FOXK1: variants seen among roughly 807,000 people sequenced by gnomAD.
The protein encoded by FOXK1 is forkhead box K1, also known as forkhead box protein K1.
A neutral mutation model predicts 51.9 loss-of-function variants in FOXK1; 19 were observed. The ratio of observed to expected loss-of-function variants is 0.37; its 90% CI spans 0.26 to 0.54. FOXK1 has a LOEUF of 0.54. Ranked by LOEUF, FOXK1 falls within the 20% of genes least tolerant of loss-of-function variation. The pLI is 0.87. For missense variants in FOXK1, 870 were observed against 1,032.7 expected (o/e 0.84, Z 2.16); for synonymous variants, 537 against 482.6 (o/e 1.11, Z -1.48).
At chr7:4,688,316 A>T (rs1779846111) in intron 1 of FOXK1, among the ~76,000 whole-genome samples, 1 of 150,932 alleles carries the variant, frequency 6.6e-6, no homozygotes, top group Admixed American at 6.6e-5. Flanking sequence ...AAAAATGAAT[A>T]ATAATTTCTT....
At chr7:4,760,089 C>T (rs1254330832) in intron 7 of FOXK1, 2 of 161,184 alleles carry the variant, frequency 1.2e-5, no homozygotes, top group Non-Finnish European at 2.7e-5. Context: ...ACAGGGCCCT[C>T]GGATGCACAT....
In FOXK1 at chr7:4,761,280, A is replaced by G. The variant is rs199885308; in HGVS notation, c.1913A>G (p.Asn638Ser). The G allele has an allele frequency of 5.3e-5, 86 of 1,612,164 alleles. 1 individual carries two copies. The highest frequency in any genetic ancestry group is 6.5e-5 in the Non-Finnish European group (77 of 1,179,952). ...HAVPTNSLAG[N>S]AYALTSPLQL... ...GTTCCCACGAACAGTTTAGCCGGCA[A>G]CGCTTACGGTGAGGCCCTGGCCCTG... The change falls in exon 8 of 9, where the codon AAC (asparagine) becomes AGC (serine). Residue 638 changes from asparagine (N) to serine (S), a missense_variant. This residue lies in a region of FOXK1 where 457 missense variants were observed against 510.8 expected (regional missense o/e 0.89). Transcript: ENST00000328914. This position sits in a 1 kb window ranked among gnomAD's most constrained non-coding sequence, Gnocchi z 6.2.
chr7:4,723,265 C>T lies in FOXK1; in HGVS notation c.561-17573C>T, dbSNP rs986838195. Among the ~76,000 whole-genome samples, 1 of 151,950 alleles carries T rather than the reference C, an allele frequency of 6.6e-6. No homozygotes were observed. Among genetic ancestry groups the T allele is most frequent in the Non-Finnish European group, 1.5e-5 (1 of 67,990 alleles). Reference sequence around the variant, plus strand: ...TCAGCACCGAGCAAGTGGGCCTGGACCCTGAAGGATGTGGCTGCTGCCCGA... The same window carrying T: ...TCAGCACCGAGCAAGTGGGCCTGGATCCTGAAGGATGTGGCTGCTGCCCGA... On this transcript the variant is annotated intron_variant, in intron 1 of 8. Transcript: ENST00000328914. The surrounding 1 kb of genome is among the most constrained non-coding windows in gnomAD (Gnocchi z 4.7).
Position 4,722,314 on chromosome 7 carries a change from T to C in FOXK1, c.561-18524T>C, listed in dbSNP as rs2115048535. Among the ~76,000 whole-genome samples the C allele has an allele frequency of 6.6e-6, 1 of 152,342 alleles. No homozygotes were observed. Among genetic ancestry groups the C allele is most frequent in the South Asian group, 2.1e-4 (1 of 4,832 alleles). Reference sequence around the variant, plus strand: ...TTCCAAAATCTGTTGTTCTAGAAACTCTCTAAGGTTTTACCCAGATTCCCA... The same window carrying C: ...TTCCAAAATCTGTTGTTCTAGAAACCCTCTAAGGTTTTACCCAGATTCCCA... On this transcript the variant is annotated intron_variant, in intron 1 of 8. Transcript: ENST00000328914. The surrounding 1 kb of genome is among the most constrained non-coding windows in gnomAD (Gnocchi z 5.1).
At chr7:4,689,451 C>T (rs758927504) in intron 1 of FOXK1, among the ~76,000 whole-genome samples, 3 of 152,164 alleles carry the variant, frequency 2.0e-5, no homozygotes, top group South Asian at 2.1e-4. Context: ...ACTACATAAA[C>T]GTTTTAGCCC....
rs1239807342 is a variant in FOXK1 at position 4,734,001 on chromosome 7, C to T, written c.561-6837C>T. Among the ~76,000 whole-genome samples, 2 of 147,276 alleles carry T rather than the reference C, an allele frequency of 1.4e-5. No individual in the cohort carries two copies. Among genetic ancestry groups the T allele is most frequent in the African/African-American group, 2.7e-5 (1 of 36,774 alleles). ...CCACGTGGAGTCTGCCCTCCACGTG[C>T]CGTGGGTGAAGCTTCACCTGGCGCA... On this transcript the variant is annotated intron_variant, in intron 1 of 8. Transcript: ENST00000328914. The surrounding 1 kb of genome is among the most constrained non-coding windows in gnomAD (Gnocchi z 5.2).
In FOXK1 at chr7:4,711,400, G is replaced by T. The variant is rs762875914; in HGVS notation, c.560+28532G>T. ...GTCCGGGGGTGGGTCCCAGCCAGCCGCCAGCTCTCCCTGGAGTGATTCCTG... is the reference window on the plus strand; with the variant it reads ...GTCCGGGGGTGGGTCCCAGCCAGCCTCCAGCTCTCCCTGGAGTGATTCCTG... On this transcript the variant is annotated intron_variant, in intron 1 of 8. Transcript: ENST00000328914. The surrounding 1 kb of genome is among the most constrained non-coding windows in gnomAD (Gnocchi z 6.3). Among the ~76,000 whole-genome samples the T allele has an allele frequency of 2.0e-5, 3 of 152,112 alleles. No individual in the cohort carries two copies. Among genetic ancestry groups the T allele is most frequent in the Non-Finnish European group, 4.4e-5 (3 of 68,000 alleles).
At position 4,709,468 on chromosome 7, in the gene FOXK1, C is replaced by T. The variant is rs1030416649; in HGVS notation, c.560+26600C>T. On this transcript the variant is annotated intron_variant, in intron 1 of 8. Coordinates refer to ENST00000328914, the MANE Select transcript of FOXK1 (RefSeq NM_001037165.2). The surrounding 1 kb of genome is among the most constrained non-coding windows in gnomAD (Gnocchi z 5.6). The stretch of plus-strand genomic sequence containing the variant: ...CTGGACTCGATGTCTCCGAGCAGAT[C>T]GAGGCTGGCCCACCCCTGCTGGCCC... 2.6e-5 allele frequency among the ~76,000 whole-genome samples: 4 copies of T among 152,130 alleles called. No individual in the cohort carries two copies. Among genetic ancestry groups the T allele is most frequent in the African/African-American group, 7.2e-5 (3 of 41,410 alleles).
intron 1 of FOXK1, among the ~76,000 whole-genome samples, chr7:4,686,753 T>C (rs928690331): frequency 4.0e-5 from 6 of 151,840 alleles, no homozygotes; most frequent in African/African-American, 1.2e-4. Context: ...ACCACATGAA[T>C]TTGCAGCTTC....
intron 1 of FOXK1, among the ~76,000 whole-genome samples, chr7:4,718,202 G>A (rs1165612387): frequency 6.7e-6 from 1 of 149,484 alleles, no homozygotes; most frequent in Non-Finnish European, 1.5e-5. Flanking sequence ...CAGCCGGGAA[G>A]TTGGCATCGG....
At position 4,743,309 on chromosome 7, in the gene FOXK1, G is replaced by C. The variant is rs1214596739; in HGVS notation, c.746+2286G>C. Among the ~76,000 whole-genome samples, 1 of 152,218 alleles carries C rather than the reference G, an allele frequency of 6.6e-6. No homozygotes were observed. Among genetic ancestry groups the C allele is most frequent in the African/African-American group, 2.4e-5 (1 of 41,444 alleles). Reference sequence around the variant, plus strand: ...GGCTCACACTGGTAATGCCAGCACTGTGGGAGGCCAAGGCGGGTGGATCAC... The same window carrying C: ...GGCTCACACTGGTAATGCCAGCACTCTGGGAGGCCAAGGCGGGTGGATCAC... On this transcript the variant is annotated intron_variant, in intron 2 of 8. Coordinates refer to ENST00000328914, the MANE Select transcript of FOXK1 (RefSeq NM_001037165.2). The surrounding 1 kb of genome is among the most constrained non-coding windows in gnomAD (Gnocchi z 5.3).
In FOXK1 at chr7:4,705,517, TTCTCTCTCTCTCTCTCTC is replaced by T. The variant is rs56842360; in HGVS notation, c.560+22674_560+22691del. Among the ~76,000 whole-genome samples the T allele has an allele frequency of 1.1e-4, 12 of 111,572 alleles. No homozygotes were observed. The South Asian group carries it at 2.0e-3, about 19-fold the overall frequency. 73.2% of individuals were successfully genotyped at this position (111,572 alleles called of 152,430 possible). ...ATTCTTCTGTGTCATTTCCTTCTCT[TTCTCTCTCTCTCTCTCTC>T]TCTCTCTCTCTCTCTCTCTCTCTCG... On this transcript the variant is annotated intron_variant, in intron 1 of 8. Coordinates refer to ENST00000328914, the MANE Select transcript of FOXK1 (RefSeq NM_001037165.2).
intron 1 of FOXK1, among the ~76,000 whole-genome samples, chr7:4,736,613 C>T (rs1397449402): frequency 6.6e-6 from 1 of 151,942 alleles, no homozygotes; most frequent in African/African-American, 2.4e-5. Context: ...GGGGGTTTTG[C>T]CTTTTGGCCA....
At chr7:4,717,464 AGGCATGTGGCTG>A (rs1780250674) in intron 1 of FOXK1, among the ~76,000 whole-genome samples, 2 of 55,726 alleles carry the variant, frequency 3.6e-5, no homozygotes, top group South Asian at 5.4e-4. Context: ...TGTGGCTGGG[AGGCATGTGGCTG>A]GGAGGCATGT....
rs1199505917 is a variant in FOXK1 at position 4,768,810 on chromosome 7, C to G, written c.*6346C>G. 6.6e-6 allele frequency: 1 copy of G among 152,276 alleles called. No individual in the cohort carries two copies. Among genetic ancestry groups the G allele is most frequent in the Non-Finnish European group, 1.5e-5 (1 of 68,108 alleles). The allele number at this position is 152,276 out of a possible 1,614,324, so 9.4% of individuals were successfully genotyped here. A position where few individuals can be genotyped will look rare whatever the true frequency, so the allele number is the denominator to read the frequency against. On this transcript the variant is annotated 3_prime_UTR_variant, in exon 9 of 9. Transcript: ENST00000328914. ...TGAACCTCGCCGTGCCTGTCTGTCACATCCAAGTCTGTGCCAGCTGCTGGG... is the reference window on the plus strand; with the variant it reads ...TGAACCTCGCCGTGCCTGTCTGTCAGATCCAAGTCTGTGCCAGCTGCTGGG...
intron 1 of FOXK1, among the ~76,000 whole-genome samples, chr7:4,705,172 A>T (rs1780067875): frequency 6.6e-6 from 1 of 151,816 alleles, no homozygotes; most frequent in Non-Finnish European, 1.5e-5. Flanking sequence ...CCAATTTTTT[A>T]AAGTCAGAAT....
At position 4,755,985 on chromosome 7, in the gene FOXK1, C is replaced by T. The variant is rs1338098331; in HGVS notation, c.1050+602C>T. On this transcript the variant is annotated intron_variant, in intron 4 of 8. Transcript: ENST00000328914. The surrounding 1 kb of genome is among the most constrained non-coding windows in gnomAD (Gnocchi z 6.6). Reference sequence around the variant, plus strand: ...AATGTACCATATACTGTTATTCAAACAATCCACATGTCTGAATTGTGGATG... The same window carrying T: ...AATGTACCATATACTGTTATTCAAATAATCCACATGTCTGAATTGTGGATG... Among the ~76,000 whole-genome samples the T allele has an allele frequency of 6.6e-6, 1 of 152,222 alleles. No homozygotes were observed. Among genetic ancestry groups the T allele is most frequent in the Non-Finnish European group, 1.5e-5 (1 of 68,034 alleles).
intron 2 of FOXK1, among the ~76,000 whole-genome samples, chr7:4,754,022 A>C (rs115262168): frequency 0.018 from 2,687 of 152,240 alleles, 85 homozygotes; most frequent in African/African-American, 0.061. Flanking sequence ...CTCTGTGACC[A>C]CACGGGGTTG....
intron 1 of FOXK1, among the ~76,000 whole-genome samples, chr7:4,701,817 T>C (rs370221242): frequency 7.9e-4 from 120 of 152,312 alleles, no homozygotes; most frequent in African/African-American, 2.7e-3. Flanking sequence ...GGTGGGAACC[T>C]GGGAGGCGGA....
Sources: allele counts gnomAD v4.1 joint callset (sites outside exome capture counted in the v4.1 genomes callset), GRCh38; gene constraint gnomAD v4.1.1; regional missense constraint gnomAD v4.1.1; non-coding constraint Gnocchi (gnomAD v3.1); transcripts MANE v1.5; gene names NCBI Gene and HGNC (gene_info 2026-07-23, HGNC 2026-07-21).